Variants in ATRNL1 observed in about 807,000 individuals in gnomAD.
The protein encoded by ATRNL1 is attractin like 1.
A neutral mutation model predicts 182.7 loss-of-function variants in ATRNL1; 95 were observed. The ratio of observed to expected loss-of-function variants is 0.52; its 90% CI spans 0.44 to 0.62. The LOEUF (loss-of-function observed/expected upper bound fraction) is 0.62. Ranked by LOEUF, ATRNL1 falls within the 20% of genes least tolerant of loss-of-function variation. The pLI is 0.00. For missense variants in ATRNL1, 1,471 were observed against 1,679.5 expected, an observed-to-expected ratio of 0.88 and a Z score of 2.17; for synonymous variants, 576 against 568.3, an observed-to-expected ratio of 1.01 and a Z score of -0.19.
intron 27 of ATRNL1, among the ~76,000 whole-genome samples, chr10:115,821,218 A>T (rs1418671846): frequency 6.6e-6 from 1 of 152,098 alleles, no homozygotes; most frequent in Non-Finnish European, 1.5e-5. Flanking sequence ...AAAAGCACCT[A>T]CCTCATAAAT....
chr10:115,586,830 C>G (rs1230822987), intron 26 of ATRNL1, among the ~76,000 whole-genome samples: 1 of 113,476 alleles, frequency 8.8e-6, no homozygotes, highest in African/African-American at 2.7e-5. Context: ...GAGAGGCGCT[C>G]TGCTTTTTAG....
intron 19 of ATRNL1, among the ~76,000 whole-genome samples, chr10:115,370,981 C>T (rs781814437): frequency 7.9e-5 from 12 of 152,210 alleles, no homozygotes; most frequent in East Asian, 5.8e-4. Context: ...GCATCCTAGC[C>T]GCTCCAGCCA....
chr10:115,516,592 C>T (rs1554983945), intron 24 of ATRNL1, among the ~76,000 whole-genome samples: 1 of 151,842 alleles, frequency 6.6e-6, no homozygotes, highest in African/African-American at 2.4e-5. Flanking sequence ...CATGGGTTCC[C>T]ATTGCCCTTA....
rs146074774 is a variant in ATRNL1, at chr10:115,245,660, A to G, written c.1687+3935A>G. ...AGCAAAATCATATTCAAATTAAGACATCTAATTATTTAATTTTTTGGAATA... is the reference window on the plus strand; with the variant it reads ...AGCAAAATCATATTCAAATTAAGACGTCTAATTATTTAATTTTTTGGAATA... On this transcript the variant is annotated intron_variant, in intron 10 of 28. Transcript: ENST00000355044. 4.1e-3 allele frequency among the ~76,000 whole-genome samples: 626 copies of G among 152,290 alleles called. 2 individuals carry two copies. The highest frequency in any genetic ancestry group is 7.0e-3 in the Non-Finnish European group (474 of 68,016).
At chr10:115,429,050 A>G (rs1401977693) in intron 21 of ATRNL1, among the ~76,000 whole-genome samples, 1 of 152,094 alleles carries the variant, frequency 6.6e-6, no homozygotes, top group African/African-American at 2.4e-5. Context: ...GAGTGTGTAT[A>G]GTGGCATTTT....
intron 10 of ATRNL1, among the ~76,000 whole-genome samples, chr10:115,261,518 A>C (rs1430307623): frequency 6.6e-6 from 1 of 152,164 alleles, no homozygotes. Context: ...AAGTAAATGA[A>C]ATTGCCAGAT....
chr10:115,697,373 T>C (rs568702539), intron 26 of ATRNL1, among the ~76,000 whole-genome samples: 243 of 152,328 alleles, frequency 1.6e-3, no homozygotes, highest in African/African-American at 5.4e-3. Context: ...TCTTGCTCTG[T>C]TGCTCAGGCT....
intron 26 of ATRNL1, among the ~76,000 whole-genome samples, chr10:115,679,603 G>A (rs1036334486): frequency 2.0e-5 from 3 of 152,036 alleles, no homozygotes; most frequent in Admixed American, 1.3e-4. Context: ...CAGTTGAAAT[G>A]TTTTGGGGTA....
rs2084945831 is a variant in ATRNL1, at chr10:115,094,002, C to G, written c.252C>G (p.Gly84=). 3 of 1,579,328 alleles carry G rather than the reference C, an allele frequency of 1.9e-6. No individual in the cohort carries two copies. In the African/African-American group the frequency reaches 4.1e-5, roughly 22 times the overall value. The change falls in exon 1 of 29, where the codon GGC becomes GGG. Residue 84 remains glycine (G), a synonymous_variant. Coordinates refer to ENST00000355044, the MANE Select transcript of ATRNL1 (RefSeq NM_207303.4). Reference sequence around the variant, plus strand: ...ACTCCACCTGCCTCTGCGACCCGGGCTGGGTGGGGGACCAGTGCCAGCACT... The same window carrying G: ...ACTCCACCTGCCTCTGCGACCCGGGGTGGGTGGGGGACCAGTGCCAGCACT... ...CVNSTCLCDP[G]WVGDQCQHCQ... is the part of the protein sequence containing the mutation.
At chr10:115,365,301 T>G (rs1856973640) in intron 19 of ATRNL1, among the ~76,000 whole-genome samples, 1 of 152,008 alleles carries the variant, frequency 6.6e-6, no homozygotes, top group Non-Finnish European at 1.5e-5. Context: ...TTCTAGTTTA[T>G]TTGCATAGAG....
At chr10:115,156,691 A>T (rs1554882193) in intron 5 of ATRNL1, among the ~76,000 whole-genome samples, 1 of 152,108 alleles carries the variant, frequency 6.6e-6, no homozygotes, top group Non-Finnish European at 1.5e-5. Context: ...CTATAAGGTG[A>T]ATTTGTTTAT....
chr10:115,211,614 CT>C (rs551165572), intron 8 of ATRNL1, among the ~76,000 whole-genome samples: 108 of 145,814 alleles, frequency 7.4e-4, no homozygotes, highest in Middle Eastern at 3.5e-3. Context: ...GCCATCATTT[CT>C]TTTTTTTTTA....
intron 28 of ATRNL1, among the ~76,000 whole-genome samples, chr10:115,940,635 C>T (rs1024480006): frequency 1.3e-5 from 2 of 151,854 alleles, no homozygotes; most frequent in Non-Finnish European, 2.9e-5. Flanking sequence ...AGATTCCTTA[C>T]AATAACAAAG....
At chr10:115,604,014 A>G (rs1296039136) in intron 26 of ATRNL1, among the ~76,000 whole-genome samples, 4 of 152,044 alleles carry the variant, frequency 2.6e-5, no homozygotes, top group Non-Finnish European at 4.4e-5. Flanking sequence ...GCTATCTTGT[A>G]TCTGTTCATC....
chr10:115,915,555 G>A (rs1555117035), intron 28 of ATRNL1, among the ~76,000 whole-genome samples: 1 of 151,982 alleles, frequency 6.6e-6, no homozygotes, highest in African/African-American at 2.4e-5. Flanking sequence ...TATATGTATT[G>A]GTATATATAT....
chr10:115,427,421 C>G (rs1190917870), intron 21 of ATRNL1, among the ~76,000 whole-genome samples: 3 of 151,776 alleles, frequency 2.0e-5, no homozygotes, highest in Non-Finnish European at 2.9e-5. Context: ...GTCTTTTTAT[C>G]TTATTAACAC....
intron 17 of ATRNL1, among the ~76,000 whole-genome samples, chr10:115,309,238 G>A (rs1853894049): frequency 6.6e-6 from 1 of 151,972 alleles, no homozygotes; most frequent in Non-Finnish European, 1.5e-5. Flanking sequence ...TTTTACTTAG[G>A]ATTGGTTTGG....
At chr10:115,349,449 T>G (rs1554940628) in intron 19 of ATRNL1, among the ~76,000 whole-genome samples, 1 of 152,214 alleles carries the variant, frequency 6.6e-6, no homozygotes, top group East Asian at 1.9e-4. Context: ...TTTGATATAC[T>G]GATTTTCCTT....
At chr10:115,134,043 G>A (rs1277533318) in intron 5 of ATRNL1, among the ~76,000 whole-genome samples, 2 of 152,168 alleles carry the variant, frequency 1.3e-5, no homozygotes, top group African/African-American at 2.4e-5. Flanking sequence ...AAAGCATTGT[G>A]TAGAGGGAAA....
Sources: gnomAD v4.1 joint callset for allele counts (sites outside exome capture counted in the v4.1 genomes callset) on GRCh38, gnomAD v4.1.1 for gene constraint, MANE v1.5 for transcripts, NCBI Gene and HGNC (gene_info 2026-07-23, HGNC 2026-07-21) for gene names.